The following ASCC3 variants were observed in gnomAD, a reference collection of about 807,000 sequenced individuals.
The protein encoded by ASCC3 is activating signal cointegrator 1 complex subunit 3.
Under a neutral mutation model 256.3 loss-of-function variants are expected in ASCC3, and 158 were observed. That is an observed-to-expected ratio of 0.62 (90% CI 0.54 to 0.70). The LOEUF is 0.70. Ranked by LOEUF, ASCC3 falls within the 30% of genes least tolerant of loss-of-function variation. The probability of loss-of-function intolerance (pLI) is 0.00; values close to 1 mark genes in which losing one functional copy is unlikely to be tolerated. For missense variants in ASCC3, 2,259 were observed against 2,626.0 expected (o/e 0.86, Z 3.05); for synonymous variants, 948 against 883.4 (o/e 1.07, Z -1.30).
At chr6:100,624,173 A>C (rs1271009000) in intron 30 of ASCC3, among the ~76,000 whole-genome samples, 1 of 151,966 alleles carries the variant, frequency 6.6e-6, no homozygotes, top group East Asian at 1.9e-4. Context: ...AAAGTTACCT[A>C]ATACAGCAGG....
intron 27 of ASCC3, 91 bp from the exon 28 acceptor site, chr6:100,628,078 C>T: frequency 9.4e-7 from 1 of 1,067,940 alleles, no homozygotes; most frequent in South Asian, 1.6e-5. Context: ...GTAGCTTCCT[C>T]AAAAAACAAA....
chr6:100,536,437 C>A (rs1476218632), intron 37 of ASCC3, among the ~76,000 whole-genome samples: 1 of 152,072 alleles, frequency 6.6e-6, no homozygotes, highest in Non-Finnish European at 1.5e-5. Context: ...ACACAGAGGG[C>A]CTAGAAGCAA....
intron 4 of ASCC3, among the ~76,000 whole-genome samples, chr6:100,829,562 C>T (rs867472036): frequency 2.6e-5 from 4 of 152,058 alleles, no homozygotes; most frequent in South Asian, 4.1e-4. Context: ...TTCCCGCTGG[C>T]GGCGCCTCTC....
intron 4 of ASCC3, among the ~76,000 whole-genome samples, chr6:100,820,715 G>A (rs1451795455): frequency 6.7e-6 from 1 of 150,104 alleles, no homozygotes; most frequent in Non-Finnish European, 1.5e-5. Context: ...CACAGAATAG[G>A]AAAAAAAAAA....
chr6:100,665,779 A>C (rs977180387), intron 14 of ASCC3, among the ~76,000 whole-genome samples: 1 of 151,326 alleles, frequency 6.6e-6, no homozygotes, highest in Non-Finnish European at 1.5e-5. Flanking sequence ...ATGAACTGGA[A>C]TCCCTGGAGA....
intron 36 of ASCC3, among the ~76,000 whole-genome samples, chr6:100,549,873 G>C (rs904958639): frequency 6.6e-6 from 1 of 151,868 alleles, no homozygotes; most frequent in Admixed American, 6.6e-5. Context: ...CAGAAGACAC[G>C]GCATTTGTTC....
Position 100,661,938 on chromosome 6 carries a change from T to C in ASCC3, c.2571A>G (p.Gln857=), listed in dbSNP as rs147372446. Reference sequence around the variant, plus strand: ...TTATTCCTTCCCCAAATTTGTCAAATTGTGGTCGTCCAGCTCGACCAAATA... The same window carrying C: ...TTATTCCTTCCCCAAATTTGTCAAACTGTGGTCGTCCAGCTCGACCAAATA... ...MQIFGRAGRP[Q]FDKFGEGIII... Residue 857 remains glutamine (Q), a synonymous_variant, in exon 16 of 42, where the codon CAA becomes CAG. Coordinates refer to ENST00000369162, the MANE Select transcript of ASCC3 (RefSeq NM_006828.4). 2.2e-4 allele frequency: 361 copies of C among 1,613,438 alleles called. No individual in the cohort carries two copies. The African/African-American group carries it at 3.2e-3, about 14-fold the overall frequency.
At chr6:100,810,876 A>G (rs1230650969) in intron 4 of ASCC3, among the ~76,000 whole-genome samples, 1 of 152,178 alleles carries the variant, frequency 6.6e-6, no homozygotes, top group Non-Finnish European at 1.5e-5. Flanking sequence ...TAAAAAGCTG[A>G]TAAGAAGTAT....
intron 3 of ASCC3, among the ~76,000 whole-genome samples, chr6:100,860,686 G>A (rs1041918865): frequency 3.3e-5 from 5 of 152,016 alleles, no homozygotes; most frequent in African/African-American, 7.2e-5. Flanking sequence ...ACTGTGAAGG[G>A]AGAAGACAGG....
At chr6:100,628,924 T>A (rs1010893442) in intron 27 of ASCC3, 91 bp downstream of exon 27, 2 of 1,177,822 alleles carry the variant, frequency 1.7e-6, no homozygotes, top group Non-Finnish European at 2.4e-6. Context: ...TAGAAATATA[T>A]ATAAATATTA....
At chr6:100,518,244 C>G in intron 37 of ASCC3, 102 bp from the exon 38 acceptor site, 1 of 1,247,006 alleles carries the variant, frequency 8.0e-7, no homozygotes, top group Non-Finnish European at 1.1e-6. Flanking sequence ...AGAAACCAAG[C>G]ATTGTATCTC....
intron 8 of ASCC3, among the ~76,000 whole-genome samples, chr6:100,795,809 C>T (rs920430564): frequency 6.6e-6 from 1 of 152,036 alleles, no homozygotes; most frequent in Non-Finnish European, 1.5e-5. Flanking sequence ...CAGTGAAAAA[C>T]GACAGACCTT....
intron 10 of ASCC3, among the ~76,000 whole-genome samples, chr6:100,764,829 G>C (rs987194595): frequency 2.6e-5 from 4 of 152,108 alleles, no homozygotes; most frequent in African/African-American, 9.7e-5. Context: ...AATTGTGTTT[G>C]GGGGGTCGGG....
At chr6:100,774,601 G>A (rs1002141252) in intron 8 of ASCC3, among the ~76,000 whole-genome samples, 11 of 152,026 alleles carry the variant, frequency 7.2e-5, no homozygotes, top group African/African-American at 2.4e-4. Flanking sequence ...TTCTGACCTC[G>A]TGATCCACCC....
Position 100,800,434 on chromosome 6 carries a change from T to C in ASCC3, c.993A>G (p.Glu331=). Residue 331 remains glutamate, a synonymous_variant, in exon 6 of 42, where the codon GAA becomes GAG. Transcript: ENST00000369162. ...ATTGTTTCATTAACTGCTTTTCTTGTTCAGACTGAATAGTGACTTGACAAC... is the reference window on the plus strand; with the variant it reads ...ATTGTTTCATTAACTGCTTTTCTTGCTCAGACTGAATAGTGACTTGACAAC... ...NYGCQVTIQS[E]QEKQLMKQYR... 6.2e-7 allele frequency: 1 copy of C among 1,612,592 alleles called. No individual in the cohort carries two copies. Among genetic ancestry groups the C allele is most frequent in the Non-Finnish European group, 8.5e-7 (1 of 1,179,188 alleles).
intron 30 of ASCC3, among the ~76,000 whole-genome samples, chr6:100,624,930 A>C (rs1370079028): frequency 6.6e-6 from 1 of 152,026 alleles, no homozygotes; most frequent in Non-Finnish European, 1.5e-5. Context: ...GGCAGTGAAT[A>C]CTTAAAGAAT....
intron 36 of ASCC3, among the ~76,000 whole-genome samples, chr6:100,544,450 A>T (rs959197032): frequency 6.6e-6 from 1 of 152,092 alleles, no homozygotes; most frequent in Non-Finnish European, 1.5e-5. Flanking sequence ...AGGAGAGAAG[A>T]CACACACCAA....
chr6:100,827,515 T>C (rs1023866609), intron 4 of ASCC3, among the ~76,000 whole-genome samples: 4 of 152,202 alleles, frequency 2.6e-5, no homozygotes, highest in Admixed American at 2.0e-4. Context: ...GATAGCTCAT[T>C]TCTTTTTATC....
intron 10 of ASCC3, among the ~76,000 whole-genome samples, chr6:100,732,945 G>C (rs1779979180): frequency 6.6e-6 from 1 of 151,924 alleles, no homozygotes; most frequent in African/African-American, 2.4e-5. Flanking sequence ...TAACAACATT[G>C]GAAAACTAAC....
Sources: allele counts gnomAD v4.1 joint callset (sites outside exome capture counted in the v4.1 genomes callset), GRCh38; gene constraint gnomAD v4.1.1; transcripts MANE v1.5; gene names NCBI Gene and HGNC (gene_info 2026-07-23, HGNC 2026-07-21).